Variants in PLAGL1 observed in about 807,000 individuals in gnomAD.
PLAGL1 encodes the protein zinc finger protein PLAGL1.
In PLAGL1, 1 loss-of-function variant was observed where a neutral mutation model predicts 4.6. The observed-to-expected ratio is 0.22, with a 90% CI of 0.08 to 1.03. The LOEUF (loss-of-function observed/expected upper bound fraction) is 1.03, where lower values mean the gene tolerates loss of function less well. Ranked by LOEUF, PLAGL1 falls within the 50% of genes least tolerant of loss-of-function variation. The pLI is 0.58. For synonymous variants in PLAGL1, 240 were observed against 237.8 expected, an observed-to-expected ratio of 1.01 and a Z score of -0.08; for missense variants, 464 against 570.4, an observed-to-expected ratio of 0.81 and a Z score of 1.90.
intron 1 of PLAGL1, among the ~76,000 whole-genome samples, chr6:143,999,434 T>A (rs1264278015): frequency 6.6e-6 from 1 of 152,270 alleles, no homozygotes; most frequent in Non-Finnish European, 1.5e-5. Context: ...TACAATGTAT[T>A]AATGATGCAA....
chr6:144,009,365 C>G (rs1298296326), upstream of PLAGL1, among the ~76,000 whole-genome samples: 6 of 152,034 alleles, frequency 3.9e-5, no homozygotes, highest in Non-Finnish European at 7.4e-5. Context: ...CCTTCATTTT[C>G]AAGTCATATT....
chr6:144,001,109 G>T (rs554178683), intron 1 of PLAGL1, among the ~76,000 whole-genome samples: 4 of 151,898 alleles, frequency 2.6e-5, no homozygotes, highest in South Asian at 4.1e-4. Flanking sequence ...TGATTCTAAG[G>T]TTGGGGAAGG....
At chr6:144,031,082 A>G (rs571829303) in intron 1 of PLAGL1, among the ~76,000 whole-genome samples, 1 of 152,044 alleles carries the variant, frequency 6.6e-6, no homozygotes, top group South Asian at 2.1e-4. Context: ...TGTGGTTTTG[A>G]TTTGCATTTC....
In PLAGL1 at chr6:144,034,200, C is replaced by A. The variant is rs575119476; in HGVS notation, c.-151+30268G>T. ...GGAGGGGGTGCCCCAGCTTAGCGAACCCCAGCCTCCCTCCTGGGGTGCCTC... is the reference window on the plus strand; with the variant it reads ...GGAGGGGGTGCCCCAGCTTAGCGAAACCCAGCCTCCCTCCTGGGGTGCCTC... On this transcript the variant is annotated intron_variant, in intron 1 of 3. Transcript: ENST00000437412. The surrounding 1 kb of genome is among the most constrained non-coding windows in gnomAD (Gnocchi z 4.7). Among the ~76,000 whole-genome samples the A allele has an allele frequency of 6.6e-6, 1 of 152,282 alleles. No homozygotes were observed. Among genetic ancestry groups the A allele is most frequent in the Non-Finnish European group, 1.5e-5 (1 of 68,022 alleles).
At position 143,961,650 on chromosome 6, in the gene PLAGL1, A is replaced by G. The variant is rs1214362423; in HGVS notation, c.-398-1108T>C. Among the ~76,000 whole-genome samples the G allele has an allele frequency of 6.6e-6, 1 of 152,168 alleles. No homozygotes were observed. Among genetic ancestry groups the G allele is most frequent in the Non-Finnish European group, 1.5e-5 (1 of 68,024 alleles). Reference sequence around the variant, plus strand: ...TGCTTGTATAAACACTTTACAAATCATCTTTATGGTCCATCTCTTTCCTCA... The same window carrying G: ...TGCTTGTATAAACACTTTACAAATCGTCTTTATGGTCCATCTCTTTCCTCA... On this transcript the variant is annotated intron_variant, in intron 5 of 7. Coordinates refer to ENST00000674357, the MANE Select transcript of PLAGL1 (RefSeq NM_001317162.2). The surrounding 1 kb of genome is among the most constrained non-coding windows in gnomAD (Gnocchi z 6.5).
At chr6:144,052,804 G>C (rs1277904639) in intron 1 of PLAGL1, among the ~76,000 whole-genome samples, 1 of 152,076 alleles carries the variant, frequency 6.6e-6, no homozygotes, top group African/African-American at 2.4e-5. Context: ...CCAACAACTA[G>C]TTCTTATGAA....
rs192962135 is a variant in PLAGL1 at position 144,036,026 on chromosome 6, G to A, written c.-151+28442C>T. Reference sequence around the variant, plus strand: ...TGTGCCTGGATGGCCATCTGATTACGTGTGGCTTAGCCTGGAAACCCTCAA... The same window carrying A: ...TGTGCCTGGATGGCCATCTGATTACATGTGGCTTAGCCTGGAAACCCTCAA... On this transcript the variant is annotated intron_variant, in intron 1 of 3. Transcript: ENST00000437412. This position sits in a 1 kb window ranked among gnomAD's most constrained non-coding sequence, Gnocchi z 5.1. 7.2e-5 allele frequency among the ~76,000 whole-genome samples: 11 copies of A among 152,214 alleles called. No homozygotes were observed. The highest frequency in any genetic ancestry group is 5.8e-4 in the East Asian group (3 of 5,164).
rs541494963 is a variant in PLAGL1 at position 144,049,973 on chromosome 6, G to A, written c.-151+14495C>T. ...TCTGGACTAAGATCCTTCGAAGCTG[G>A]AGAAGTGGAGGGGAGGAAAGGTGCA... On this transcript the variant is annotated intron_variant, in intron 1 of 3. Coordinates refer to the PLAGL1 transcript ENST00000437412. 5.0e-4 allele frequency among the ~76,000 whole-genome samples: 76 copies of A among 152,286 alleles called. 1 individual carries two copies. In the South Asian group the frequency reaches 0.016, roughly 32 times the overall value.
chr6:144,062,630 C>T (rs904706774), intron 1 of PLAGL1, among the ~76,000 whole-genome samples: 3 of 152,110 alleles, frequency 2.0e-5, no homozygotes, highest in African/African-American at 7.2e-5. Flanking sequence ...TCTCTCTGGG[C>T]CACGCAGCAC....
intron 1 of PLAGL1, among the ~76,000 whole-genome samples, chr6:144,057,776 ATTTT>A (rs60234022): frequency 2.3e-3 from 316 of 137,184 alleles, no homozygotes; most frequent in Middle Eastern, 7.5e-3. Flanking sequence ...ACGCCTCACC[ATTTT>A]TTTTTTTTTT....
Position 143,955,121 on chromosome 6 carries a change from T to C in PLAGL1, c.-325+5348A>G, listed in dbSNP as rs560027904. On this transcript the variant is annotated intron_variant, in intron 6 of 7. Transcript: ENST00000674357. This position sits in a 1 kb window ranked among gnomAD's most constrained non-coding sequence, Gnocchi z 4.9. ...GAAAACAGATAAATAGAAGTGAAAATCATTACTAAAACTTGAGGTGGTGGT... is the reference window on the plus strand; with the variant it reads ...GAAAACAGATAAATAGAAGTGAAAACCATTACTAAAACTTGAGGTGGTGGT... Among the ~76,000 whole-genome samples, 2 of 152,246 alleles carry C rather than the reference T, an allele frequency of 1.3e-5. No individual in the cohort carries two copies. The highest frequency in any genetic ancestry group is 4.8e-5 in the African/African-American group (2 of 41,544).
At chr6:143,998,844 C>A (rs146146036) in intron 1 of PLAGL1, among the ~76,000 whole-genome samples, 1 of 152,042 alleles carries the variant, frequency 6.6e-6, no homozygotes, top group Non-Finnish European at 1.5e-5. Flanking sequence ...AGAGTGAAAC[C>A]TTTAGGGGCT....
chr6:143,956,149 T>G (rs1782075655), intron 6 of PLAGL1, among the ~76,000 whole-genome samples: 1 of 152,192 alleles, frequency 6.6e-6, no homozygotes. Context: ...TTTCCATGGG[T>G]GGCCTCATAT....
At position 144,004,762 on chromosome 6, in the gene PLAGL1, A is replaced by G. The variant is rs949159142; in HGVS notation, c.-584+3328T>C. ...GTAGAATTCAACATGGATAAAAAATATATTAAATACATTAAATCTACCTTA... is the reference window on the plus strand; with the variant it reads ...GTAGAATTCAACATGGATAAAAAATGTATTAAATACATTAAATCTACCTTA... On this transcript the variant is annotated intron_variant, in intron 1 of 7. Coordinates refer to ENST00000674357, the MANE Select transcript of PLAGL1 (RefSeq NM_001317162.2). This position sits in a 1 kb window ranked among gnomAD's most constrained non-coding sequence, Gnocchi z 4.2. 3.9e-5 allele frequency among the ~76,000 whole-genome samples: 6 copies of G among 152,126 alleles called. No homozygotes were observed. The highest frequency in any genetic ancestry group is 8.8e-5 in the Non-Finnish European group (6 of 68,012).
At position 143,948,434 on chromosome 6, in the gene PLAGL1, G is replaced by A; in HGVS notation, c.-298C>T. On this transcript the variant is annotated 5_prime_UTR_variant, in exon 7 of 8. Transcript: ENST00000674357. The surrounding 1 kb of genome is among the most constrained non-coding windows in gnomAD (Gnocchi z 6.0). The stretch of plus-strand genomic sequence containing the variant: ...AAGGTAATCTGCATCACTATAGCTG[G>A]GGCATGTCCTGGGTCCCCCGGATTG... The A allele has an allele frequency of 3.2e-6, 1 of 310,314 alleles. No homozygotes were observed. The highest frequency in any genetic ancestry group is 6.1e-6 in the Non-Finnish European group (1 of 162,792). The allele number at this position is 310,314 out of a possible 1,614,324, so 19.2% of individuals were successfully genotyped here. A position where few individuals can be genotyped will look rare whatever the true frequency, so the allele number is the denominator to read the frequency against.
rs143555932 is a variant in PLAGL1, at chr6:144,027,254, A to C, written c.-151+37214T>G. Among the ~76,000 whole-genome samples the C allele has an allele frequency of 5.1e-3, 726 of 143,504 alleles. 13 individuals are homozygous for C. The highest frequency in any genetic ancestry group is 0.022 in the Admixed American group (283 of 13,124). 94.1% of individuals were successfully genotyped at this position (143,504 alleles called of 152,430 possible). On this transcript the variant is annotated intron_variant, in intron 1 of 3. Transcript: ENST00000437412. The surrounding 1 kb of genome is among the most constrained non-coding windows in gnomAD (Gnocchi z 5.8). Reference sequence around the variant, plus strand: ...ACGAACGAAAGAAAGAAAGAAAGAAAGAAAGAAAGAAAGAAAGAAAGAAAG... The same window carrying C: ...ACGAACGAAAGAAAGAAAGAAAGAACGAAAGAAAGAAAGAAAGAAAGAAAG...
intron 2 of PLAGL1, among the ~76,000 whole-genome samples, chr6:143,976,383 C>T (rs1460955464): frequency 6.8e-6 from 1 of 147,522 alleles, no homozygotes; most frequent in African/African-American, 2.5e-5. Flanking sequence ...AATGGATGTC[C>T]TCACCTCCTT....
chr6:144,048,974 T>G lies in PLAGL1; in HGVS notation c.-151+15494A>C, dbSNP rs150359973. 4.8e-3 allele frequency among the ~76,000 whole-genome samples: 733 copies of G among 152,346 alleles called. 5 individuals carry two copies. Among genetic ancestry groups the G allele is most frequent in the African/African-American group, 0.017 (704 of 41,564 alleles). ...TGTGAATGCATAAGATTGAATGCTT[T>G]CAAAATCAACCAGGTCACCTCTTGA... On this transcript the variant is annotated intron_variant, in intron 1 of 3. Transcript: ENST00000437412. The surrounding 1 kb of genome is among the most constrained non-coding windows in gnomAD (Gnocchi z 4.8).
rs1455741073 is a variant in PLAGL1, at chr6:144,050,687, T to G, written c.-151+13781A>C. On this transcript the variant is annotated intron_variant, in intron 1 of 3. Coordinates refer to the PLAGL1 transcript ENST00000437412. The surrounding 1 kb of genome is among the most constrained non-coding windows in gnomAD (Gnocchi z 4.3). ...GGAGGATCACTTGAGGCCAGGAGTT[T>G]GAGACCAACCTGGGAAACATAGTGA... 6.6e-6 allele frequency among the ~76,000 whole-genome samples: 1 copy of G among 152,190 alleles called. No homozygotes were observed. The highest frequency in any genetic ancestry group is 1.5e-5 in the Non-Finnish European group (1 of 68,020).
Sources: allele counts gnomAD v4.1 joint callset (sites outside exome capture counted in the v4.1 genomes callset), GRCh38; gene constraint gnomAD v4.1.1; non-coding constraint Gnocchi (gnomAD v3.1); transcripts MANE v1.5; gene names NCBI Gene and HGNC (gene_info 2026-07-23, HGNC 2026-07-21).